The following KCNIP3 variants were observed in gnomAD, a reference collection of about 807,000 sequenced individuals.
KCNIP3 encodes the protein potassium voltage-gated channel interacting protein 3, also known as calsenilin.
KCNIP3 carries 28 observed loss-of-function variants against 35.0 expected under a neutral mutation model. That is an observed-to-expected ratio of 0.80 (90% CI 0.59 to 1.10). The LOEUF is 1.10. Among genes scored for constraint, KCNIP3 ranks in the 50% least tolerant of loss-of-function variants. The pLI is 0.00. For missense variants in KCNIP3, 295 were observed against 338.4 expected (o/e 0.87, Z 1.01); for synonymous variants, 134 against 133.8 (o/e 1.00, Z -0.01).
In KCNIP3 at chr2:95,385,873, AC is replaced by A. The variant is rs1477926054; in HGVS notation, c.*1828del. On this transcript the variant is annotated 3_prime_UTR_variant, in exon 9 of 9. Transcript: ENST00000295225. The stretch of plus-strand genomic sequence containing the variant: ...GGCCTCAGGAGAGCATCACCACCAC[AC>A]CCCTGCCGGCCTTGGCCTTGGGGCC... 1 of 152,070 alleles carries A rather than the reference AC, an allele frequency of 6.6e-6. No homozygotes were observed. Among genetic ancestry groups the A allele is most frequent in the East Asian group, 1.9e-4 (1 of 5,148 alleles). The allele number at this position is 152,070 out of a possible 1,614,324, so 9.4% of individuals were successfully genotyped here.
In KCNIP3 at chr2:95,377,653, G is replaced by T. The variant is rs1225465164; in HGVS notation, c.447+2445G>T. Among the ~76,000 whole-genome samples, 7 of 152,350 alleles carry T rather than the reference G, an allele frequency of 4.6e-5. No homozygotes were observed. The highest frequency in any genetic ancestry group is 2.0e-4 in the Admixed American group (3 of 15,310). On this transcript the variant is annotated intron_variant, in intron 5 of 8. Transcript: ENST00000295225. The surrounding 1 kb of genome is among the most constrained non-coding windows in gnomAD (Gnocchi z 4.7). ...CCATGGTTGCACTGTGTATGGCCAA[G>T]GAATTTAGAACCAGCGTGCACTCAG... is the stretch of plus-strand genomic sequence containing the variant.
chr2:95,346,408 C>T (rs1679361063), intron 2 of KCNIP3, among the ~76,000 whole-genome samples: 1 of 151,240 alleles, frequency 6.6e-6, no homozygotes, highest in Admixed American at 6.6e-5. Flanking sequence ...GCAGCGGTGG[C>T]GACGCGCCAG....
In KCNIP3 at chr2:95,376,731, C is replaced by T. The variant is rs947720964; in HGVS notation, c.447+1523C>T. On this transcript the variant is annotated intron_variant, in intron 5 of 8. Coordinates refer to ENST00000295225, the MANE Select transcript of KCNIP3 (RefSeq NM_013434.5). This position sits in a 1 kb window ranked among gnomAD's most constrained non-coding sequence, Gnocchi z 4.2. ...CCATGGCCCCATCCTGGGAGCCCCA[C>T]AGACTGGGATCCCAGTGGTCACAAA... Among the ~76,000 whole-genome samples the T allele has an allele frequency of 6.6e-6, 1 of 152,200 alleles. No homozygotes were observed. The highest frequency in any genetic ancestry group is 1.5e-5 in the Non-Finnish European group (1 of 68,034).
At chr2:95,348,675 A>G (rs1379363045) in intron 2 of KCNIP3, among the ~76,000 whole-genome samples, 1 of 152,160 alleles carries the variant, frequency 6.6e-6, no homozygotes, top group Non-Finnish European at 1.5e-5. Flanking sequence ...GCACAAGATG[A>G]CAGATGGTTT....
At chr2:95,307,962 G>A (rs1352912082) in intron 1 of KCNIP3, among the ~76,000 whole-genome samples, 1 of 152,234 alleles carries the variant, frequency 6.6e-6, no homozygotes. Flanking sequence ...AATGGAGAAA[G>A]TGCGTTTCTG....
chr2:95,305,952 A>G (rs551336630), intron 1 of KCNIP3, among the ~76,000 whole-genome samples: 102 of 152,336 alleles, frequency 6.7e-4, no homozygotes, highest in Non-Finnish European at 1.1e-3. Flanking sequence ...TGCCATGAAC[A>G]TTTGTGTACA....
intron 2 of KCNIP3, among the ~76,000 whole-genome samples, chr2:95,347,713 T>C (rs1209178793): frequency 1.3e-5 from 2 of 152,222 alleles, no homozygotes; most frequent in Non-Finnish European, 2.9e-5. Context: ...GGCCCTTCCA[T>C]GGTACACCTG....
intron 1 of KCNIP3, chr2:95,303,569 AC>A (rs1678095330): frequency 6.6e-6 from 1 of 152,136 alleles, no homozygotes; most frequent in African/African-American, 2.4e-5. Flanking sequence ...CCCAGCCATG[AC>A]CTCCGCCTGG....
intron 2 of KCNIP3, among the ~76,000 whole-genome samples, chr2:95,334,910 C>G (rs1352911389): frequency 6.6e-6 from 1 of 152,156 alleles, no homozygotes; most frequent in Admixed American, 6.6e-5. Context: ...GATTCGTTCC[C>G]CTGACCAAGG....
Position 95,382,427 on chromosome 2 carries a change from C to G in KCNIP3, c.606C>G (p.Thr202=), listed in dbSNP as rs772237134. 2 of 1,609,768 alleles carry G rather than the reference C, an allele frequency of 1.2e-6. No homozygotes were observed. The highest frequency in any genetic ancestry group is 3.4e-5 in the Admixed American group (2 of 59,532). Residue 202 remains threonine (T), a synonymous_variant, in exon 7 of 9, where the codon ACC becomes ACG. Transcript: ENST00000295225. This position sits in a 1 kb window ranked among gnomAD's most constrained non-coding sequence, Gnocchi z 4.5. ...TCTATGACATGATGGGCCGCCACAC[C>G]TACCCCATCCTGCGGGAGGACGCGC... ...KSIYDMMGRH[T]YPILREDAPA...
intron 2 of KCNIP3, among the ~76,000 whole-genome samples, chr2:95,328,897 A>G (rs1678855185): frequency 6.6e-6 from 1 of 152,214 alleles, no homozygotes; most frequent in Admixed American, 6.5e-5. Context: ...GCCCTCAGGA[A>G]TGCAGGCTGC....
intron 1 of KCNIP3, 58 bp downstream of exon 1, chr2:95,297,511 G>T: frequency 8.8e-7 from 1 of 1,138,154 alleles, no homozygotes; most frequent in Non-Finnish European, 1.3e-6. Flanking sequence ...AGGAATGGAG[G>T]CTTCTGGGGG....
intron 2 of KCNIP3, chr2:95,310,995 C>A: frequency 4.8e-6 from 1 of 206,410 alleles, no homozygotes; most frequent in Admixed American, 5.3e-5. Flanking sequence ...CCTCCTTGGT[C>A]CTGTTCAGTG....
chr2:95,320,362 G>T (rs913786416), intron 2 of KCNIP3, among the ~76,000 whole-genome samples: 1 of 152,022 alleles, frequency 6.6e-6, no homozygotes. Context: ...CCCCTTCTTT[G>T]CTTCAGGACT....
At chr2:95,368,858 C>G (rs1208553741) in intron 2 of KCNIP3, 1 of 192,046 alleles carries the variant, frequency 5.2e-6, no homozygotes, top group Non-Finnish European at 1.2e-5. Flanking sequence ...CCTCAGCTTC[C>G]AGGTAGCACA....
At chr2:95,349,096 C>A (rs527930834) in intron 2 of KCNIP3, among the ~76,000 whole-genome samples, 3 of 152,108 alleles carry the variant, frequency 2.0e-5, no homozygotes, top group Admixed American at 6.5e-5. Context: ...CACCCCCCCC[C>A]GCCCCCCGTC....
In KCNIP3 at chr2:95,385,930, T is replaced by A. The variant is rs1455127736; in HGVS notation, c.*1881T>A. 6.6e-6 allele frequency: 1 copy of A among 152,294 alleles called. No individual in the cohort carries two copies. The highest frequency in any genetic ancestry group is 1.9e-4 in the East Asian group (1 of 5,182). The allele number at this position is 152,294 out of a possible 1,614,324, so 9.4% of individuals were successfully genotyped here. A position where few individuals can be genotyped will look rare whatever the true frequency, so the allele number is the denominator to read the frequency against. ...GGCTGCACAGCCCAACCAGGAGGGG[T>A]CTGCCTCCCACGCTGGGACACAGAC... On this transcript the variant is annotated 3_prime_UTR_variant, in exon 9 of 9. Coordinates refer to ENST00000295225, the MANE Select transcript of KCNIP3 (RefSeq NM_013434.5).
intron 1 of KCNIP3, among the ~76,000 whole-genome samples, chr2:95,307,888 C>T (rs1188593068): frequency 6.6e-6 from 1 of 152,224 alleles, no homozygotes; most frequent in African/African-American, 2.4e-5. Flanking sequence ...GAAGCACCTG[C>T]TGCCCCTCTC....
intron 2 of KCNIP3, among the ~76,000 whole-genome samples, chr2:95,356,647 T>A (rs1679662447): frequency 6.6e-6 from 1 of 152,188 alleles, no homozygotes; most frequent in African/African-American, 2.4e-5. Flanking sequence ...TTGTCAAAGA[T>A]CAGATGGTTG....
Sources: gnomAD v4.1 joint callset for allele counts (sites outside exome capture counted in the v4.1 genomes callset) on GRCh38, gnomAD v4.1.1 for gene constraint, Gnocchi (gnomAD v3.1) non-coding constraint, MANE v1.5 for transcripts, NCBI Gene and HGNC (gene_info 2026-07-23, HGNC 2026-07-21) for gene names.